The following HAL variants were observed in gnomAD, a reference collection of about 807,000 sequenced individuals.
HAL encodes the protein histidine ammonia-lyase.
HAL carries 85 observed loss-of-function variants against 81.1 expected under a neutral mutation model. The observed-to-expected ratio is 1.05, with a 90% CI of 0.88 to 1.25. HAL has a LOEUF of 1.25. HAL is among the 50% of genes most tolerant of loss of function. The probability of loss-of-function intolerance (pLI) is 0.00; values close to 1 mark genes in which losing one functional copy is unlikely to be tolerated. For synonymous variants in HAL, 301 were observed against 309.2 expected (o/e 0.97, Z 0.28); for missense variants, 798 against 836.6 (o/e 0.95, Z 0.57).
In HAL at chr12:95,985,969, G is replaced by C; in HGVS notation, c.1148-3C>G. 6.2e-7 allele frequency: 1 copy of C among 1,610,636 alleles called. No homozygotes were observed. The highest frequency in any genetic ancestry group is 1.1e-5 in the South Asian group (1 of 90,980). ...GCGATCACAGAACCTGTGACTCTCT[G>C]TGGAAGAGGTGGAGGGGATGAGACA... On this transcript the variant is annotated splice_region_variant and splice_polypyrimidine_tract_variant and intron_variant, in intron 13 of 20. Coordinates refer to ENST00000261208, the MANE Select transcript of HAL (RefSeq NM_002108.4).
At chr12:95,975,549 C>A (rs939832662) in intron 20 of HAL, among the ~76,000 whole-genome samples, 8 of 151,984 alleles carry the variant, frequency 5.3e-5, no homozygotes, top group African/African-American at 1.9e-4. Context: ...GAAATTAAGG[C>A]CCTGTTTTTG....
At chr12:95,978,508 C>T (rs1197128805) in intron 17 of HAL, among the ~76,000 whole-genome samples, 2 of 152,114 alleles carry the variant, frequency 1.3e-5, no homozygotes, top group Non-Finnish European at 2.9e-5. Context: ...AGATTTAACA[C>T]TTCAGAGTGT....
rs779759919 is a variant in HAL at position 95,986,047 on chromosome 12, C to T, written c.1147+18G>A. ...AAACACGTAACCAAATAGGTCACTC[C>T]CATAAACATGGTCAGACCTGCTATT... On this transcript the variant is annotated intron_variant, in intron 13 of 20. Transcript: ENST00000261208. The T allele has an allele frequency of 1.1e-5, 18 of 1,588,442 alleles. No homozygotes were observed. In the Middle Eastern group the frequency reaches 5.0e-4, roughly 44 times the overall value.
intron 4 of HAL, 129 bp downstream of exon 4, chr12:95,994,669 C>T: frequency 1.1e-6 from 1 of 941,056 alleles, no homozygotes; most frequent in South Asian, 1.3e-5. Flanking sequence ...GGACTACAGA[C>T]ATGAGTCACT....
intron 9 of HAL, among the ~76,000 whole-genome samples, 165 bp downstream of exon 9, chr12:95,992,515 C>T (rs1404858978): frequency 1.3e-5 from 2 of 152,180 alleles, no homozygotes; most frequent in Non-Finnish European, 2.9e-5. Context: ...CGACTTTCTC[C>T]TCTTCCCCCA....
In HAL at chr12:95,994,107, C is replaced by A. The variant is rs1428699253; in HGVS notation, c.394G>T (p.Gly132Ter). ...TTEDLVNLGK[G>*]RYKIKLTPTA... The stretch of plus-strand genomic sequence containing the variant: ...CCCCATACCTTTATTTTGTAGCGTC[C>A]CTTTCCCAAGTTGACCAGATCCTCC... Residue 132 changes from glycine (G) to a stop codon, truncating the protein, a stop_gained, in exon 5 of 21, where the codon GGA (glycine) becomes TGA (stop). Coordinates refer to ENST00000261208, the MANE Select transcript of HAL (RefSeq NM_002108.4). LOFTEE classifies it high-confidence loss of function. The A allele has an allele frequency of 6.2e-7, 1 of 1,613,230 alleles. No individual in the cohort carries two copies. The highest frequency in any genetic ancestry group is 8.5e-7 in the Non-Finnish European group (1 of 1,179,374).
In HAL at chr12:95,992,672, T is replaced by C. The variant is rs1165580264; in HGVS notation, c.715+8A>G. On this transcript the variant is annotated splice_region_variant and intron_variant, in intron 9 of 20. Coordinates refer to ENST00000261208, the MANE Select transcript of HAL (RefSeq NM_002108.4). ...ACAGAGGTTCCGTCTAGGGAGCCAT[T>C]GCATTACCATTAAACATTTCTATGA... 6.2e-7 allele frequency: 1 copy of C among 1,610,404 alleles called. No homozygotes were observed. Among genetic ancestry groups the C allele is most frequent in the Non-Finnish European group, 8.5e-7 (1 of 1,177,004 alleles).
intron 17 of HAL, among the ~76,000 whole-genome samples, chr12:95,979,552 A>G (rs1377394528): frequency 3.3e-5 from 5 of 152,212 alleles, no homozygotes; most frequent in Admixed American, 1.3e-4. Context: ...GCATCTACGC[A>G]TGTAATAACT....
intron 20 of HAL, among the ~76,000 whole-genome samples, chr12:95,975,633 A>C (rs541890339): frequency 6.6e-6 from 1 of 152,320 alleles, no homozygotes; most frequent in South Asian, 2.1e-4. Flanking sequence ...TGACCTTAGC[A>C]AATGAATACT....
chr12:95,984,935 A>G (rs911595060), intron 14 of HAL, among the ~76,000 whole-genome samples: 1 of 152,208 alleles, frequency 6.6e-6, no homozygotes, highest in African/African-American at 2.4e-5. Flanking sequence ...CTATTACACC[A>G]TAGACTGAAA....
rs1245273677 is a variant in HAL, at chr12:95,993,638, A to G, written c.551+134T>C. The G allele has an allele frequency of 3.7e-6, 3 of 821,882 alleles. No homozygotes were observed. The South Asian group carries it at 4.2e-5, about 11-fold the overall frequency. The allele number at this position is 821,882 out of a possible 1,614,324, so 50.9% of individuals were successfully genotyped here. A position where few individuals can be genotyped will look rare whatever the true frequency, so the allele number is the denominator to read the frequency against. On this transcript the variant is annotated intron_variant, in intron 7 of 20. Coordinates refer to ENST00000261208, the MANE Select transcript of HAL (RefSeq NM_002108.4). Reference sequence around the variant, plus strand: ...CAGCCAGCCTGGGTTTTCAATACCAACTCACATGCAAGGTAACCCAAGCCT... The same window carrying G: ...CAGCCAGCCTGGGTTTTCAATACCAGCTCACATGCAAGGTAACCCAAGCCT...
intron 12 of HAL, among the ~76,000 whole-genome samples, chr12:95,986,711 T>C (rs140571938): frequency 6.6e-6 from 1 of 152,226 alleles, no homozygotes; most frequent in East Asian, 1.9e-4. Context: ...CGACAGTTTT[T>C]CTTCCCCAAT....
At chr12:95,976,117 A>G (rs893186575) in intron 20 of HAL, 7 of 395,748 alleles carry the variant, frequency 1.8e-5, no homozygotes, top group African/African-American at 1.2e-4. Flanking sequence ...CAAAGAGGAC[A>G]TCTTGCAGGG....
In HAL at chr12:95,972,813, C is replaced by T. The variant is rs1213670651; in HGVS notation, c.*1419G>A. On this transcript the variant is annotated 3_prime_UTR_variant, in exon 21 of 21. Transcript: ENST00000261208. ...GGGGCTGAAAGAATCCAGCATTCCC[C>T]AAACTGGAGCGAAGAGCACCATGAG... is the stretch of plus-strand genomic sequence containing the variant. 6.6e-6 allele frequency: 1 copy of T among 152,188 alleles called. No homozygotes were observed. The highest frequency in any genetic ancestry group is 1.5e-5 in the Non-Finnish European group (1 of 68,038). The allele number at this position is 152,188 out of a possible 1,614,324, so 9.4% of individuals were successfully genotyped here.
At chr12:95,991,996 C>T (rs1949976132) in intron 9 of HAL, among the ~76,000 whole-genome samples, 1 of 152,180 alleles carries the variant, frequency 6.6e-6, no homozygotes, top group African/African-American at 2.4e-5. Context: ...GCTTCTCCTC[C>T]CTCTCCTTCC....
Position 95,976,708 on chromosome 12 carries a change from T to C in HAL, c.1655-2A>G. 3 of 1,588,508 alleles carry C rather than the reference T, an allele frequency of 1.9e-6. No homozygotes were observed. The highest frequency in any genetic ancestry group is 2.6e-6 in the Non-Finnish European group (3 of 1,156,760). ...CTGCAAGGAGCTCGATGGCCAGCAC[T>C]GAAACAAGAAATTCCAAGAGGGTAG... On this transcript the variant is annotated splice_acceptor_variant, in intron 18 of 20. Coordinates refer to ENST00000261208, the MANE Select transcript of HAL (RefSeq NM_002108.4). LOFTEE classifies it high-confidence loss of function.
chr12:95,988,192 C>G lies in HAL; in HGVS notation c.903+1G>C. The G allele has an allele frequency of 6.9e-7, 1 of 1,446,548 alleles. No individual in the cohort carries two copies. Among genetic ancestry groups the G allele is most frequent in the Non-Finnish European group, 9.7e-7 (1 of 1,027,346 alleles). The allele number at this position is 1,446,548 out of a possible 1,614,324, so 89.6% of individuals were successfully genotyped here. ...AACATATTTTTCTTGAGTTTCCTTA[C>G]CTCTTTTGGTTTTAAAATAACTGGT... On this transcript the variant is annotated splice_donor_variant, in intron 11 of 20. Transcript: ENST00000261208. LOFTEE classifies it high-confidence loss of function.
chr12:95,984,615 G>T (rs935121753), intron 14 of HAL, among the ~76,000 whole-genome samples: 29 of 152,250 alleles, frequency 1.9e-4, no homozygotes, highest in African/African-American at 7.0e-4. Context: ...ATCTGTCTGT[G>T]TGATCGTGGG....
chr12:95,987,336 T>C, intron 11 of HAL, 122 bp from the exon 12 acceptor site: 1 of 832,924 alleles, frequency 1.2e-6, no homozygotes, highest in Non-Finnish European at 2.1e-6. Context: ...TAAAAAATTA[T>C]GTTTATGTTT....
Sources: gnomAD v4.1 joint callset for allele counts (sites outside exome capture counted in the v4.1 genomes callset) on GRCh38, gnomAD v4.1.1 for gene constraint, MANE v1.5 for transcripts, NCBI Gene and HGNC (gene_info 2026-07-23, HGNC 2026-07-21) for gene names.